Variants in MECOM observed in about 807,000 individuals in gnomAD.
MECOM encodes the protein histone-lysine N-methyltransferase MECOM.
In MECOM, 13 loss-of-function variants were observed where a neutral mutation model predicts 116.3. The ratio of observed to expected loss-of-function variants is 0.11; its 90% confidence interval spans 0.07 to 0.18. MECOM has a LOEUF of 0.18. Ranked by LOEUF, MECOM falls within the 10% of genes least tolerant of loss-of-function variation. MECOM has a pLI of 1.00. For missense variants in MECOM, 1,299 were observed against 1,509.0 expected (o/e 0.86, Z 2.31); for synonymous variants, 528 against 535.2 (o/e 0.99, Z 0.19).
At chr3:169,253,841 T>C (rs1756541230) in intron 2 of MECOM, among the ~76,000 whole-genome samples, 1 of 152,162 alleles carries the variant, frequency 6.6e-6, no homozygotes, top group South Asian at 2.1e-4. Flanking sequence ...TACTTCTTTG[T>C]ACCCCAACTA....
intron 1 of MECOM, among the ~76,000 whole-genome samples, chr3:169,411,279 G>A (rs1737511387): frequency 6.6e-6 from 1 of 152,028 alleles, no homozygotes; most frequent in Admixed American, 6.5e-5. Context: ...TTAAGAAAAA[G>A]AAGGTCATAA....
At chr3:169,597,194 G>A (rs887277843) in intron 1 of MECOM, among the ~76,000 whole-genome samples, 4 of 152,214 alleles carry the variant, frequency 2.6e-5, no homozygotes, top group African/African-American at 9.6e-5. Context: ...AATAGGTACA[G>A]TAATAATGCA....
intron 1 of MECOM, among the ~76,000 whole-genome samples, chr3:169,531,055 T>C (rs1255419036): frequency 1.3e-5 from 2 of 152,180 alleles, no homozygotes; most frequent in East Asian, 3.9e-4. Flanking sequence ...GCCTATTTTC[T>C]AGTGTGGGTC....
At chr3:169,300,412 C>T (rs373459433) in intron 2 of MECOM, among the ~76,000 whole-genome samples, 20 of 152,250 alleles carry the variant, frequency 1.3e-4, no homozygotes, top group African/African-American at 4.6e-4. Flanking sequence ...GATCTTGCGG[C>T]GTTTATCAAA....
At chr3:169,411,951 A>T (rs951843999) in intron 1 of MECOM, among the ~76,000 whole-genome samples, 1 of 152,166 alleles carries the variant, frequency 6.6e-6, no homozygotes, top group Non-Finnish European at 1.5e-5. Flanking sequence ...AGATCAAGCC[A>T]CTGCACTCCA....
chr3:169,110,233 T>TA (rs776375883), intron 9 of MECOM, among the ~76,000 whole-genome samples: 20 of 152,248 alleles, frequency 1.3e-4, no homozygotes, highest in Non-Finnish European at 2.5e-4. Context: ...AAGAATACAA[T>TA]AAGCATCTTT....
intron 1 of MECOM, among the ~76,000 whole-genome samples, chr3:169,571,420 A>T (rs977831177): frequency 6.6e-6 from 1 of 152,212 alleles, no homozygotes; most frequent in Non-Finnish European, 1.5e-5. Context: ...TACTGCCCAA[A>T]GTAATTTATA....
In MECOM at chr3:169,663,496, C is replaced by G. The variant is rs1776603427; in HGVS notation, c.-124G>C. On this transcript the variant is annotated 5_prime_UTR_variant, in exon 1 of 17. Coordinates refer to ENST00000651503, the MANE Select transcript of MECOM (RefSeq NM_004991.4). ...CCTGTCTCTCTCTCTCTCTCTCTCT[C>G]TCTCTCTCTCTCTCTCTCTCTCTCT... is the stretch of plus-strand genomic sequence containing the variant. 3 of 638,204 alleles carry G rather than the reference C, an allele frequency of 4.7e-6. No individual in the cohort carries two copies. Among genetic ancestry groups the G allele is most frequent in the Non-Finnish European group, 2.8e-6 (1 of 360,868 alleles). 39.5% of individuals were successfully genotyped at this position (638,204 alleles called of 1,614,324 possible).
At chr3:169,138,202 G>A (rs1324395286) in intron 3 of MECOM, among the ~76,000 whole-genome samples, 2 of 152,042 alleles carry the variant, frequency 1.3e-5, no homozygotes, top group Non-Finnish European at 2.9e-5. Flanking sequence ...TGTATGTGAT[G>A]CTTTGTGATC....
In MECOM at chr3:169,115,778, T is replaced by C. The variant is rs746637736; in HGVS notation, c.2094A>G (p.Pro698=). 1.2e-6 allele frequency: 2 copies of C among 1,613,904 alleles called. No homozygotes were observed. Among genetic ancestry groups the C allele is most frequent in the Admixed American group, 1.7e-5 (1 of 59,968 alleles). The change falls in exon 8 of 17, where the codon CCA becomes CCG. Residue 698 remains proline, a synonymous_variant. Transcript: ENST00000651503. ...TTGATTGAGAGAATGCTGGAAAAAATGGGAGGGGAAACATGGAAGGGTAAG... is the reference window on the plus strand; with the variant it reads ...TTGATTGAGAGAATGCTGGAAAAAACGGGAGGGGAAACATGGAAGGGTAAG... ...ALPYPSMFPL[P]FFPAFSQSMY... is the part of the protein sequence containing the mutation.
At position 169,477,093 on chromosome 3, in the gene MECOM, GTGTGTGTGTGTGTATATA is replaced by G. The variant is rs1446635200; in HGVS notation, c.38-95587_38-95570del. The G allele has an allele frequency of 5.0e-4, 28 of 56,054 alleles. No individual in the cohort carries two copies. The East Asian group carries it at 7.7e-3, about 15-fold the overall frequency. 3.5% of individuals were successfully genotyped at this position (56,054 alleles called of 1,614,324 possible). A position where few individuals can be genotyped will look rare whatever the true frequency, so the allele number is the denominator to read the frequency against. ...CTGGATAAGTAAGATGTGTGTGTGTGTGTGTGTGTGTGTATATATATATATATATATATATATATATAT... is the reference window on the plus strand; with the variant it reads ...CTGGATAAGTAAGATGTGTGTGTGTGTATATATATATATATATATATATAT... On this transcript the variant is annotated intron_variant, in intron 1 of 16. Coordinates refer to ENST00000651503, the MANE Select transcript of MECOM (RefSeq NM_004991.4).
At chr3:169,417,917 T>G (rs767034488) in intron 1 of MECOM, among the ~76,000 whole-genome samples, 1 of 146,820 alleles carries the variant, frequency 6.8e-6, no homozygotes, top group African/African-American at 2.5e-5. Flanking sequence ...TGAGATCACA[T>G]GGACACAGGA....
chr3:169,115,997 A>T lies in MECOM; in HGVS notation c.1875T>A (p.Pro625=). ...NGKMFKDKVS[P]LQNLASINNK... ...TATTTATTGAAGCCAGATTCTGAAG[A>T]GGGCTTACTTTGTCTTTGAACATTT... is the stretch of plus-strand genomic sequence containing the variant. Residue 625 remains proline, a synonymous_variant, in exon 8 of 17, where the codon CCT becomes CCA. Coordinates refer to ENST00000651503, the MANE Select transcript of MECOM (RefSeq NM_004991.4). The T allele has an allele frequency of 6.2e-7, 1 of 1,614,176 alleles. No homozygotes were observed. Among genetic ancestry groups the T allele is most frequent in the Non-Finnish European group, 8.5e-7 (1 of 1,180,030 alleles).
intron 10 of MECOM, among the ~76,000 whole-genome samples, chr3:169,103,599 G>A (rs1230241182): frequency 3.3e-5 from 5 of 152,072 alleles, no homozygotes; most frequent in African/African-American, 4.8e-5. Context: ...TCAAACAACT[G>A]GTCAACCCAA....
At chr3:169,100,409 C>A (rs1333975135) in intron 12 of MECOM, among the ~76,000 whole-genome samples, 1 of 151,964 alleles carries the variant, frequency 6.6e-6, no homozygotes, top group African/African-American at 2.4e-5. Context: ...TAAAATCTAT[C>A]CTTTAAACCT....
intron 1 of MECOM, among the ~76,000 whole-genome samples, chr3:169,449,016 G>A (rs186038051): frequency 6.6e-6 from 1 of 152,244 alleles, no homozygotes; most frequent in Non-Finnish European, 1.5e-5. Flanking sequence ...ACCAGGAGTA[G>A]TATCTGTCAA....
intron 1 of MECOM, among the ~76,000 whole-genome samples, chr3:169,544,510 G>A (rs1290602702): frequency 6.6e-6 from 1 of 152,104 alleles, no homozygotes; most frequent in South Asian, 2.1e-4. Flanking sequence ...TTTCTCCACA[G>A]CCTCACCAGC....
chr3:169,208,740 C>T (rs1426091865), intron 2 of MECOM, among the ~76,000 whole-genome samples: 1 of 151,988 alleles, frequency 6.6e-6, no homozygotes, highest in Non-Finnish European at 1.5e-5. Context: ...CAGGAAGAAT[C>T]AATATCATGA....
intron 1 of MECOM, among the ~76,000 whole-genome samples, chr3:169,520,468 G>A (rs1422180152): frequency 6.6e-6 from 1 of 152,042 alleles, no homozygotes; most frequent in Non-Finnish European, 1.5e-5. Flanking sequence ...AAGCTCCAAT[G>A]TCCTCACAAA....
Sources: allele counts gnomAD v4.1 joint callset (sites outside exome capture counted in the v4.1 genomes callset), GRCh38; gene constraint gnomAD v4.1.1; transcripts MANE v1.5; gene names NCBI Gene and HGNC (gene_info 2026-07-23, HGNC 2026-07-21).